The following FLACC1 variants were observed in gnomAD, a reference collection of about 807,000 sequenced individuals.
FLACC1 encodes the protein flagellum-associated coiled-coil domain-containing protein 1.
Under a neutral mutation model 62.8 loss-of-function variants are expected in FLACC1, and 66 were observed. The ratio of observed to expected loss-of-function variants is 1.05; its 90% CI spans 0.86 to 1.29. The LOEUF (loss-of-function observed/expected upper bound fraction) is 1.29, where lower values mean the gene tolerates loss of function less well. FLACC1 is among the 50% of genes most tolerant of loss of function. The probability of loss-of-function intolerance (pLI) is 0.00; values close to 1 mark genes in which losing one functional copy is unlikely to be tolerated. For missense variants in FLACC1, 452 were observed against 489.1 expected (o/e 0.92, Z 0.71); for synonymous variants, 156 against 161.0 (o/e 0.97, Z 0.24).
intron 9 of FLACC1, among the ~76,000 whole-genome samples, chr2:201,325,928 C>T (rs1434308469): frequency 1.3e-5 from 2 of 152,112 alleles, no homozygotes; most frequent in African/African-American, 4.8e-5. Flanking sequence ...AAATCCTCAA[C>T]AAAATACTAG....
chr2:201,302,405 A>G (rs976358341), intron 11 of FLACC1, among the ~76,000 whole-genome samples: 1 of 152,244 alleles, frequency 6.6e-6, no homozygotes, highest in Non-Finnish European at 1.5e-5. Context: ...TATGCACCCA[A>G]TACAGGAGCA....
chr2:201,361,499 A>G (rs1291051360), upstream of FLACC1, among the ~76,000 whole-genome samples: 1 of 152,232 alleles, frequency 6.6e-6, no homozygotes, highest in African/African-American at 2.4e-5. Context: ...GTATTCGCAT[A>G]CAGGAATGGT....
At chr2:201,304,136 A>G (rs753842166) in intron 11 of FLACC1, among the ~76,000 whole-genome samples, 2 of 152,240 alleles carry the variant, frequency 1.3e-5, no homozygotes, top group South Asian at 2.1e-4. Context: ...GAGGAAGTCA[A>G]ATTGTCCCTG....
At chr2:201,345,429 C>A (rs1479677845) in intron 5 of FLACC1, among the ~76,000 whole-genome samples, 1 of 151,236 alleles carries the variant, frequency 6.6e-6, no homozygotes, top group Non-Finnish European at 1.5e-5. Flanking sequence ...TCTGCCAATA[C>A]ACTAGCAGAT....
intron 10 of FLACC1, among the ~76,000 whole-genome samples, chr2:201,308,616 T>C (rs968645249): frequency 6.6e-6 from 1 of 152,014 alleles, no homozygotes; most frequent in Non-Finnish European, 1.5e-5. Flanking sequence ...CCAATGGGGG[T>C]GGGAGGTGCA....
rs1357312912 is a variant in FLACC1 at position 201,346,052 on chromosome 2, C to T, written c.368+490G>A. On this transcript the variant is annotated intron_variant, in intron 5 of 14. Coordinates refer to ENST00000392257, the MANE Select transcript of FLACC1 (RefSeq NM_001127391.3). This position sits in a 1 kb window ranked among gnomAD's most constrained non-coding sequence, Gnocchi z 4.0. ...TCATGGTGCAAGCCTGTAATCCTAG[C>T]TACTCAAGAGGTTGAGGCGTGAGAA... Among the ~76,000 whole-genome samples, 2 of 152,062 alleles carry T rather than the reference C, an allele frequency of 1.3e-5. No individual in the cohort carries two copies. The highest frequency in any genetic ancestry group is 4.8e-5 in the African/African-American group (2 of 41,416).
At chr2:201,299,379 G>A in intron 11 of FLACC1, 79 bp from the exon 12 acceptor site, 5 of 1,143,746 alleles carry the variant, frequency 4.4e-6, no homozygotes, top group Non-Finnish European at 6.5e-6. Flanking sequence ...GCCAGACTAG[G>A]ATTCAGGAAT....
At chr2:201,320,321 C>T (rs1166047333) in intron 9 of FLACC1, among the ~76,000 whole-genome samples, 1 of 152,234 alleles carries the variant, frequency 6.6e-6, no homozygotes, top group East Asian at 1.9e-4. Context: ...TGGGCTGCAG[C>T]CATGAGTGCA....
chr2:201,310,380 T>C (rs1021028336), intron 9 of FLACC1, among the ~76,000 whole-genome samples: 2 of 152,180 alleles, frequency 1.3e-5, no homozygotes, highest in Non-Finnish European at 2.9e-5. Flanking sequence ...CCAAGTGTCC[T>C]TGTCTGCCTG....
intron 11 of FLACC1, among the ~76,000 whole-genome samples, chr2:201,302,941 G>A (rs1206797314): frequency 6.6e-6 from 1 of 152,094 alleles, no homozygotes; most frequent in Non-Finnish European, 1.5e-5. Context: ...GTGTGTAGAG[G>A]GAAATTTATA....
intron 9 of FLACC1, among the ~76,000 whole-genome samples, chr2:201,317,371 G>A (rs1389261181): frequency 1.3e-5 from 2 of 152,170 alleles, no homozygotes; most frequent in Non-Finnish European, 2.9e-5. Flanking sequence ...CAAAATTAAT[G>A]TGCACAAATC....
At chr2:201,322,245 C>G (rs934310456) in intron 9 of FLACC1, among the ~76,000 whole-genome samples, 15 of 142,454 alleles carry the variant, frequency 1.1e-4, no homozygotes, top group African/African-American at 3.9e-4. Context: ...GCCTGGGCAA[C>G]AGAGTGAGAT....
chr2:201,299,336 T>C (rs1324486363), intron 11 of FLACC1, 36 bp from the exon 12 acceptor site: 1 of 1,569,790 alleles, frequency 6.4e-7, no homozygotes, highest in South Asian at 1.1e-5. Context: ...GTTAGCACTG[T>C]GGTTCTGGCA....
At chr2:201,362,112 T>A (rs978171923), upstream of FLACC1, among the ~76,000 whole-genome samples, 11 of 152,160 alleles carry the variant, frequency 7.2e-5, no homozygotes, top group Admixed American at 1.3e-4. Context: ...ATAGTGAAAC[T>A]AACAATAGAA....
intron 6 of FLACC1, 33 bp downstream of exon 6, chr2:201,344,137 C>G (rs754150905): frequency 1.3e-6 from 2 of 1,535,492 alleles, no homozygotes; most frequent in Non-Finnish European, 1.8e-6. Context: ...TTATTTTGTC[C>G]ATGAAGATGT....
chr2:201,301,670 G>A (rs927694504), intron 11 of FLACC1, among the ~76,000 whole-genome samples: 1 of 152,204 alleles, frequency 6.6e-6, no homozygotes, highest in Non-Finnish European at 1.5e-5. Flanking sequence ...AATGTTAAGG[G>A]CAGCCAGAGA....
intron 1 of FLACC1, among the ~76,000 whole-genome samples, chr2:201,354,634 A>G (rs1057428154): frequency 6.6e-6 from 1 of 152,284 alleles, no homozygotes; most frequent in Middle Eastern, 3.4e-3. Flanking sequence ...TGATGCTACA[A>G]GGGGCTGGAA....
At chr2:201,307,868 G>GT (rs1056969826) in intron 10 of FLACC1, among the ~76,000 whole-genome samples, 10 of 152,174 alleles carry the variant, frequency 6.6e-5, no homozygotes, top group Non-Finnish European at 1.0e-4. Flanking sequence ...TTTGTGTGTA[G>GT]TTTATTTTGA....
At position 201,342,438 on chromosome 2, in the gene FLACC1, AC is replaced by A. The variant is rs1330647036; in HGVS notation, c.463-8del. On this transcript the variant is annotated splice_polypyrimidine_tract_variant and splice_region_variant and intron_variant, in intron 6 of 14. Coordinates refer to ENST00000392257, the MANE Select transcript of FLACC1 (RefSeq NM_001127391.3). The stretch of plus-strand genomic sequence containing the variant: ...GATCCATTTCACTGGAGAGCTGGAA[AC>A]AAAATCAGCATCTACAACACAGGAC... The A allele has an allele frequency of 6.2e-7, 1 of 1,614,178 alleles. No individual in the cohort carries two copies. The highest frequency in any genetic ancestry group is 2.2e-5 in the East Asian group (1 of 44,886).
Sources: gnomAD v4.1 joint callset for allele counts (sites outside exome capture counted in the v4.1 genomes callset) on GRCh38, gnomAD v4.1.1 for gene constraint, Gnocchi (gnomAD v3.1) non-coding constraint, MANE v1.5 for transcripts, NCBI Gene and HGNC (gene_info 2026-07-23, HGNC 2026-07-21) for gene names.